NPY2R: variants seen among roughly 807,000 people sequenced by gnomAD.
The protein encoded by NPY2R is neuropeptide Y receptor type 2.
Under a neutral mutation model 22.3 loss-of-function variants are expected in NPY2R, and 17 were observed. The ratio of observed to expected loss-of-function variants is 0.76; its 90% CI spans 0.52 to 1.14. The LOEUF is 1.14. Ranked by LOEUF, NPY2R falls within the 50% of genes most tolerant of loss-of-function variation. The pLI is 0.00. For missense variants in NPY2R, 424 were observed against 467.9 expected, an observed-to-expected ratio of 0.91 and a Z score of 0.87; for synonymous variants, 209 against 183.4, an observed-to-expected ratio of 1.14 and a Z score of -1.13.
chr4:155,189,185 T>G, the NPY2R span, among the ~76,000 whole-genome samples: 5 of 152,100 alleles, frequency 3.3e-5, no homozygotes, highest in Non-Finnish European at 7.4e-5. Context: ...TTGTGTGCTT[T>G]AAACCTCTCA....
the NPY2R span, among the ~76,000 whole-genome samples, chr4:155,202,566 G>A: frequency 6.6e-6 from 1 of 152,060 alleles, no homozygotes; most frequent in Non-Finnish European, 1.5e-5. Context: ...AAAGAGTAAT[G>A]AGTCATGAAT....
chr4:155,195,371 T>C, the NPY2R span, among the ~76,000 whole-genome samples: 4 of 151,928 alleles, frequency 2.6e-5, no homozygotes, highest in South Asian at 2.1e-4. Context: ...TAATTGCAGA[T>C]TGCATCTCTC....
At chr4:155,174,690 C>T in the NPY2R span, among the ~76,000 whole-genome samples, 3 of 151,588 alleles carry the variant, frequency 2.0e-5, no homozygotes, top group African/African-American at 7.3e-5. Flanking sequence ...AACTCTGAGA[C>T]ACAGCCATGA....
At position 155,215,001 on chromosome 4, in the gene NPY2R, C is replaced by G. The variant is rs758076080; in HGVS notation, c.1062C>G (p.Ser354=). The part of the protein sequence containing the change: ...QRLDAIHSEV[S]VTFKAKKNLE... Reference sequence around the variant, plus strand: ...TGGATGCCATTCACTCTGAGGTGTCCGTGACATTCAAGGCTAAAAAGAACC... The same window carrying G: ...TGGATGCCATTCACTCTGAGGTGTCGGTGACATTCAAGGCTAAAAAGAACC... The change falls in exon 2 of 2, where the codon TCC becomes TCG. Residue 354 remains serine (S), a synonymous_variant. Coordinates refer to ENST00000329476, the MANE Select transcript of NPY2R (RefSeq NM_000910.4). The G allele has an allele frequency of 6.2e-7, 1 of 1,614,106 alleles. No homozygotes were observed.
the NPY2R span, among the ~76,000 whole-genome samples, chr4:155,196,638 G>A: frequency 6.6e-6 from 1 of 151,934 alleles, no homozygotes; most frequent in Non-Finnish European, 1.5e-5. Context: ...TAGCTGAAGA[G>A]CCTTTTAATA....
chr4:155,179,702 T>C, the NPY2R span, among the ~76,000 whole-genome samples: 9 of 152,222 alleles, frequency 5.9e-5, no homozygotes, highest in Admixed American at 1.3e-4. Context: ...ATATATAGTT[T>C]GGGTTTTAGT....
chr4:155,191,804 TTAAC>T, the NPY2R span, among the ~76,000 whole-genome samples: 1 of 152,032 alleles, frequency 6.6e-6, no homozygotes, highest in Admixed American at 6.6e-5. Flanking sequence ...TGTCAACACT[TTAAC>T]TAGACTTTAA....
chr4:155,208,428 A>G (rs1450849969), upstream of NPY2R: 1 of 152,306 alleles, frequency 6.6e-6, no homozygotes, highest in Non-Finnish European at 1.5e-5. The surrounding 1 kb of genome is among the most constrained non-coding windows in gnomAD (Gnocchi z 5.6). Flanking sequence ...TCGCCGGGCC[A>G]GCTCTCGCGG....
chr4:155,180,780 T>C, the NPY2R span, among the ~76,000 whole-genome samples: 6 of 151,904 alleles, frequency 3.9e-5, no homozygotes, highest in African/African-American at 9.7e-5. Flanking sequence ...GTATGAGAAA[T>C]AAGAGCATCC....
At position 155,215,021 on chromosome 4, in the gene NPY2R, A is replaced by G. The variant is rs148440232; in HGVS notation, c.1082A>G (p.Lys361Arg). The G allele has an allele frequency of 6.2e-7, 1 of 1,614,110 alleles. No individual in the cohort carries two copies. Among genetic ancestry groups the G allele is most frequent in the Non-Finnish European group, 8.5e-7 (1 of 1,180,038 alleles). ...GTGTCCGTGACATTCAAGGCTAAAA[A>G]GAACCTGGAGGTCAGAAAGAACAGT... is the stretch of plus-strand genomic sequence containing the variant. ...SEVSVTFKAK[K>R]NLEVRKNSGP... is the part of the protein sequence containing the mutation. Residue 361 changes from lysine (K) to arginine (R), a missense_variant, in exon 2 of 2, where the codon AAG becomes AGG. Lys to Arg is a conservative substitution (Grantham distance 26, BLOSUM62 2). Transcript: ENST00000329476.
In NPY2R at chr4:155,215,630, G is replaced by A. The variant is rs1009989388; in HGVS notation, c.*545G>A. 2 of 183,708 alleles carry A rather than the reference G, an allele frequency of 1.1e-5. No homozygotes were observed. The highest frequency in any genetic ancestry group is 2.4e-5 in the African/African-American group (1 of 41,620). 11.4% of individuals were successfully genotyped at this position (183,708 alleles called of 1,614,324 possible). Reference sequence around the variant, plus strand: ...TGCAGGAAACGATTGCCAACTATACGAATGGCTTCGAGGAGATAAACTGAA... The same window carrying A: ...TGCAGGAAACGATTGCCAACTATACAAATGGCTTCGAGGAGATAAACTGAA... On this transcript the variant is annotated 3_prime_UTR_variant, in exon 2 of 2. Coordinates refer to ENST00000329476, the MANE Select transcript of NPY2R (RefSeq NM_000910.4).
the NPY2R span, among the ~76,000 whole-genome samples, chr4:155,202,075 T>C: frequency 5.9e-5 from 9 of 152,178 alleles, no homozygotes; most frequent in Non-Finnish European, 1.2e-4. Flanking sequence ...CTTTGACATA[T>C]GTAAAAGATT....
At chr4:155,182,998 G>A in the NPY2R span, among the ~76,000 whole-genome samples, 3 of 152,048 alleles carry the variant, frequency 2.0e-5, no homozygotes, top group Admixed American at 2.0e-4. Context: ...TCACCATGTT[G>A]GCCAGGCTGG....
the NPY2R span, among the ~76,000 whole-genome samples, chr4:155,175,958 A>AT: frequency 1.2e-4 from 19 of 152,132 alleles, no homozygotes; most frequent in South Asian, 2.1e-4. Flanking sequence ...TATTTATGGG[A>AT]TTTTTTGAAT....
intron 1 of NPY2R, among the ~76,000 whole-genome samples, chr4:155,211,524 C>T (rs1470072978): frequency 6.6e-6 from 1 of 152,128 alleles, no homozygotes; most frequent in Non-Finnish European, 1.5e-5. Context: ...GAATGTCAGG[C>T]TAAGGAGTTG....
chr4:155,214,351 A>G lies in NPY2R; in HGVS notation c.412A>G (p.Thr138Ala), dbSNP rs775426019. Reference sequence around the variant, plus strand: ...CCAGGGCCTGGCAGTACAAGTATCCACAATCACCTTGACAGTAATTGCCCT... The same window carrying G: ...CCAGGGCCTGGCAGTACAAGTATCCGCAATCACCTTGACAGTAATTGCCCT... ...YAQGLAVQVS[T>A]ITLTVIALDR... Residue 138 changes from threonine to alanine, a missense_variant, in exon 2 of 2, where the codon ACA becomes GCA. Physicochemically the swap from Thr to Ala is moderately conservative, Grantham distance 58. Transcript: ENST00000329476. The G allele has an allele frequency of 1.2e-6, 2 of 1,614,156 alleles. No individual in the cohort carries two copies. The highest frequency in any genetic ancestry group is 3.3e-5 in the Admixed American group (2 of 60,022).
chr4:155,184,712 G>T, the NPY2R span, among the ~76,000 whole-genome samples: 1 of 152,060 alleles, frequency 6.6e-6, no homozygotes, highest in South Asian at 2.1e-4. Context: ...CTGAATAACT[G>T]AGAATCATTC....
the NPY2R span, among the ~76,000 whole-genome samples, chr4:155,177,364 C>T: frequency 1.3e-5 from 2 of 152,098 alleles, no homozygotes; most frequent in Admixed American, 6.6e-5. Flanking sequence ...GAGAAATAAG[C>T]CAGAAGAAAG....
At chr4:155,182,107 C>T in the NPY2R span, among the ~76,000 whole-genome samples, 1 of 152,060 alleles carries the variant, frequency 6.6e-6, no homozygotes, top group Non-Finnish European at 1.5e-5. Flanking sequence ...ATCATGGGCT[C>T]CTCAAGACTA....
Sources: gnomAD v4.1 joint callset for allele counts (sites outside exome capture counted in the v4.1 genomes callset) on GRCh38, gnomAD v4.1.1 for gene constraint, Gnocchi (gnomAD v3.1) non-coding constraint, MANE v1.5 for transcripts, NCBI Gene and HGNC (gene_info 2026-07-23, HGNC 2026-07-21) for gene names.